Variants in TSPEAR observed in about 807,000 individuals in gnomAD.
The protein encoded by TSPEAR is thrombospondin-type laminin G domain and EAR repeat-containing protein.
TSPEAR carries 69 observed loss-of-function variants against 71.6 expected under a neutral mutation model. That is an observed-to-expected ratio of 0.96 (90% confidence interval 0.79 to 1.18). TSPEAR has a LOEUF of 1.18. TSPEAR is among the 50% of genes most tolerant of loss of function. TSPEAR has a pLI of 0.00. For synonymous variants in TSPEAR, 402 were observed against 387.2 expected, an observed-to-expected ratio of 1.04 and a Z score of -0.45; for missense variants, 971 against 894.9, an observed-to-expected ratio of 1.09 and a Z score of -1.09.
At chr21:44,611,233 C>T (rs1981648257) in intron 1 of TSPEAR, among the ~76,000 whole-genome samples, 1 of 152,142 alleles carries the variant, frequency 6.6e-6, no homozygotes, top group African/African-American at 2.4e-5. Context: ...TTACCCAAAT[C>T]TCGACTTGAA....
chr21:44,654,063 T>A, intron 1 of TSPEAR: 1 of 596,824 alleles, frequency 1.7e-6, no homozygotes, highest in South Asian at 2.0e-5. Context: ...GAGGGCCCTG[T>A]GGATGGCCCA....
intron 2 of TSPEAR, among the ~76,000 whole-genome samples, chr21:44,564,224 T>A (rs587645287): frequency 6.6e-6 from 1 of 152,302 alleles, no homozygotes; most frequent in South Asian, 2.1e-4. Context: ...TACAAATTAA[T>A]TTTAGAGAGT....
intron 1 of TSPEAR, among the ~76,000 whole-genome samples, chr21:44,602,405 C>A (rs1277178128): frequency 1.3e-5 from 2 of 152,320 alleles, no homozygotes; most frequent in East Asian, 1.9e-4. Flanking sequence ...TGCTTTGGGG[C>A]CTCCCCAGAA....
At chr21:44,658,725 G>C (rs930898067) in intron 1 of TSPEAR, among the ~76,000 whole-genome samples, 1 of 152,072 alleles carries the variant, frequency 6.6e-6, no homozygotes, top group Non-Finnish European at 1.5e-5. Flanking sequence ...CTTGCACTGT[G>C]GGGTAATAAG....
At chr21:44,701,150 A>G (rs1987628108) in intron 1 of TSPEAR, among the ~76,000 whole-genome samples, 1 of 152,230 alleles carries the variant, frequency 6.6e-6, no homozygotes, top group Non-Finnish European at 1.5e-5. Flanking sequence ...TCATTATTGT[A>G]CATATCCATG....
intron 1 of TSPEAR, among the ~76,000 whole-genome samples, chr21:44,659,681 G>A (rs1985384471): frequency 6.6e-6 from 1 of 152,230 alleles, no homozygotes; most frequent in East Asian, 1.9e-4. Flanking sequence ...AGCACATTGG[G>A]AGGCTGAGGC....
Position 44,702,316 on chromosome 21 carries a change from C to T in TSPEAR, c.82+9117G>A, listed in dbSNP as rs1987690449. On this transcript the variant is annotated intron_variant, in intron 1 of 11. Coordinates refer to ENST00000323084, the MANE Select transcript of TSPEAR (RefSeq NM_144991.3). ...CGCCGCCAGCTGCTGTGCCCCGGCC[C>T]CCTGCCTGACCCTGGTCTGCACCCC... The T allele has an allele frequency of 2.0e-5, 33 of 1,609,868 alleles. No homozygotes were observed. The South Asian group carries it at 2.7e-4, about 13-fold the overall frequency.
intron 2 of TSPEAR, among the ~76,000 whole-genome samples, chr21:44,554,233 G>A (rs1339497046): frequency 2.0e-5 from 3 of 152,218 alleles, no homozygotes; most frequent in Non-Finnish European, 2.9e-5. Context: ...TGGGCCACGT[G>A]AGGACAGCAA....
chr21:44,564,622 C>T (rs1555921522), intron 2 of TSPEAR, among the ~76,000 whole-genome samples: 1 of 151,806 alleles, frequency 6.6e-6, no homozygotes, highest in African/African-American at 2.4e-5. Flanking sequence ...AAAAGAGCAC[C>T]AAAATACATG....
At chr21:44,550,609 G>C in intron 2 of TSPEAR, 1 of 1,566,098 alleles carries the variant, frequency 6.4e-7, no homozygotes, top group South Asian at 1.2e-5. Context: ...GCTGAGCTGT[G>C]CTGAGGCTGG....
At chr21:44,650,681 G>A (rs1555941255) in intron 1 of TSPEAR, among the ~76,000 whole-genome samples, 1 of 152,258 alleles carries the variant, frequency 6.6e-6, no homozygotes, top group African/African-American at 2.4e-5. Context: ...TCACATAGCT[G>A]GCGTGGGACT....
chr21:44,650,211 C>G (rs1461067762), intron 1 of TSPEAR, among the ~76,000 whole-genome samples: 1 of 109,764 alleles, frequency 9.1e-6, no homozygotes, highest in Non-Finnish European at 2.0e-5. Flanking sequence ...GCAAGACCCT[C>G]TCCAAAAAAA....
chr21:44,556,646 C>T (rs992179712), intron 2 of TSPEAR, among the ~76,000 whole-genome samples: 4 of 152,006 alleles, frequency 2.6e-5, no homozygotes, highest in Non-Finnish European at 5.9e-5. Flanking sequence ...GAGCCGAGAT[C>T]GCACCACTGC....
chr21:44,700,153 C>A (rs1168843805), intron 1 of TSPEAR, among the ~76,000 whole-genome samples: 1 of 152,194 alleles, frequency 6.6e-6, no homozygotes, highest in African/African-American at 2.4e-5. Flanking sequence ...AAAGCATGTT[C>A]TTTGTCCAAG....
rs587727586 is a variant in TSPEAR, at chr21:44,632,366, G to A, written c.83-64361C>T. 3.8e-4 allele frequency among the ~76,000 whole-genome samples: 57 copies of A among 151,162 alleles called. No homozygotes were observed. The South Asian group carries it at 7.7e-3, about 21-fold the overall frequency. ...TAAAGTGCTGAAAGAGAAAAAAACT[G>A]TCCACCAAGAAGTCTGTGTCCAATG... is the stretch of plus-strand genomic sequence containing the variant. On this transcript the variant is annotated intron_variant, in intron 1 of 11. Coordinates refer to ENST00000323084, the MANE Select transcript of TSPEAR (RefSeq NM_144991.3).
intron 1 of TSPEAR, among the ~76,000 whole-genome samples, chr21:44,661,102 G>T (rs1281209340): frequency 6.6e-6 from 1 of 151,902 alleles, no homozygotes; most frequent in Non-Finnish European, 1.5e-5. Context: ...GGTGAAACCC[G>T]TCTCTACTAA....
At chr21:44,533,633 C>T in intron 3 of TSPEAR, 52 bp downstream of exon 3, 1 of 1,464,064 alleles carries the variant, frequency 6.8e-7, no homozygotes, top group Non-Finnish European at 9.4e-7. Context: ...GGATGCCTGG[C>T]CTGGCAGGAC....
chr21:44,679,919 A>C (rs1986499153), intron 1 of TSPEAR, among the ~76,000 whole-genome samples: 1 of 152,224 alleles, frequency 6.6e-6, no homozygotes, highest in South Asian at 2.1e-4. Flanking sequence ...CATAAGACCG[A>C]AAACCATAAA....
In TSPEAR at chr21:44,574,401, C is replaced by A. The variant is rs62220884; in HGVS notation, c.83-6396G>T. 1.0e-4 allele frequency: 167 copies of A among 1,602,798 alleles called. No individual in the cohort carries two copies. Among genetic ancestry groups the A allele is most frequent in the South Asian group, 1.3e-4 (12 of 90,554 alleles). ...CTCGTGCTGCCAGCAGTCTAGCTGC[C>A]AGCCGGCTTGCTGCACCTCCTCCTC... On this transcript the variant is annotated intron_variant, in intron 1 of 11. Coordinates refer to ENST00000323084, the MANE Select transcript of TSPEAR (RefSeq NM_144991.3).
Sources: gnomAD v4.1 joint callset for allele counts (sites outside exome capture counted in the v4.1 genomes callset) on GRCh38, gnomAD v4.1.1 for gene constraint, MANE v1.5 for transcripts, NCBI Gene and HGNC (gene_info 2026-07-23, HGNC 2026-07-21) for gene names.